PRKDC: variants seen among roughly 807,000 people sequenced by gnomAD.
PRKDC encodes protein kinase, DNA-activated, catalytic subunit, also known as DNA-dependent protein kinase catalytic subunit.
In PRKDC, 82 loss-of-function variants were observed where a neutral mutation model predicts 486.9. That is an observed-to-expected ratio of 0.17 (90% CI 0.14 to 0.20). The LOEUF is 0.20. PRKDC is among the 10% of genes least tolerant of loss of function. The pLI is 1.00. For synonymous variants in PRKDC, 1,895 were observed against 1,837.0 expected, an observed-to-expected ratio of 1.03 and a Z score of -0.81; for missense variants, 4,504 against 5,038.2, an observed-to-expected ratio of 0.89 and a Z score of 3.21.
chr8:47,900,572 T>C, intron 27 of PRKDC, 105 bp from the exon 28 acceptor site: 1 of 1,127,016 alleles, frequency 8.9e-7, no homozygotes, highest in South Asian at 1.5e-5. Flanking sequence ...ATTAAATTTG[T>C]TTTTTGTGGC....
At chr8:47,779,268 T>G (rs2086660264) in intron 80 of PRKDC, 175 bp from the exon 81 acceptor site, 1 of 531,650 alleles carries the variant, frequency 1.9e-6, no homozygotes, top group Middle Eastern at 3.4e-4. Context: ...ATCTTGAATT[T>G]CAATATACCA....
rs8178118 is a variant in PRKDC, at chr8:47,878,327, G to A, written c.5236-476C>T. Among the ~76,000 whole-genome samples, 5 of 152,136 alleles carry A rather than the reference G, an allele frequency of 3.3e-5. No individual in the cohort carries two copies. The East Asian group carries it at 5.8e-4, about 18-fold the overall frequency. On this transcript the variant is annotated intron_variant, in intron 39 of 85. Coordinates refer to ENST00000314191, the MANE Select transcript of PRKDC (RefSeq NM_006904.7). Reference sequence around the variant, plus strand: ...TCACCGTGTTAGCCAGGATGGTCTCGATCTCCTGACCTGGTGATCTGCCCT... The same window carrying A: ...TCACCGTGTTAGCCAGGATGGTCTCAATCTCCTGACCTGGTGATCTGCCCT...
chr8:47,777,130 T>C, intron 84 of PRKDC, 147 bp from the exon 85 acceptor site: 1 of 942,094 alleles, frequency 1.1e-6, no homozygotes, highest in East Asian at 2.5e-5. Flanking sequence ...AAGCTGTTCA[T>C]ACAGACTCCA....
Position 47,953,561 on chromosome 8 carries a change from C to A in PRKDC, c.721+59G>T. 3.6e-6 allele frequency: 5 copies of A among 1,390,508 alleles called. No individual in the cohort carries two copies. The South Asian group carries it at 6.2e-5, about 17-fold the overall frequency. 86.1% of individuals were successfully genotyped at this position (1,390,508 alleles called of 1,614,324 possible). A position where few individuals can be genotyped will look rare whatever the true frequency, so the allele number is the denominator to read the frequency against. On this transcript the variant is annotated intron_variant, in intron 7 of 85. Coordinates refer to ENST00000314191, the MANE Select transcript of PRKDC (RefSeq NM_006904.7). ...TTAAGAGTTCAAAGAAATAATCAGGCATTGCTGGTTAGACTTACAGTTTTT... is the reference window on the plus strand; with the variant it reads ...TTAAGAGTTCAAAGAAATAATCAGGAATTGCTGGTTAGACTTACAGTTTTT...
chr8:47,950,328 AGAT>A (rs1007912165), intron 7 of PRKDC, among the ~76,000 whole-genome samples: 1 of 151,542 alleles, frequency 6.6e-6, no homozygotes, highest in Non-Finnish European at 1.5e-5. Flanking sequence ...CCTCCCCTTA[AGAT>A]TATTTTAGGA....
At chr8:47,955,599 G>C (rs1195296144) in intron 4 of PRKDC, among the ~76,000 whole-genome samples, 5 of 152,064 alleles carry the variant, frequency 3.3e-5, no homozygotes, top group African/African-American at 1.2e-4. Context: ...GCCAGTAAGG[G>C]TGATAAATGA....
chr8:47,807,002 A>G, intron 69 of PRKDC, 135 bp downstream of exon 69: 1 of 877,180 alleles, frequency 1.1e-6, no homozygotes, highest in African/African-American at 1.7e-5. Flanking sequence ...GGCCAAGTTT[A>G]CTTATAAAGA....
Position 47,775,862 on chromosome 8 carries a change from G to A in PRKDC, c.12182+982C>T, listed in dbSNP as rs545681674. 3.2e-3 allele frequency among the ~76,000 whole-genome samples: 455 copies of A among 142,118 alleles called. 3 individuals are homozygous for A. Among genetic ancestry groups the A allele is most frequent in the African/African-American group, 0.011 (428 of 37,904 alleles). 93.2% of individuals were successfully genotyped at this position (142,118 alleles called of 152,430 possible). A position where few individuals can be genotyped will look rare whatever the true frequency, so the allele number is the denominator to read the frequency against. Reference sequence around the variant, plus strand: ...TTCTGAGGCAGAGTCTCACTTTGTCGCCTAGGCTGGAGTACAGTGGTGCCA... The same window carrying A: ...TTCTGAGGCAGAGTCTCACTTTGTCACCTAGGCTGGAGTACAGTGGTGCCA... On this transcript the variant is annotated intron_variant, in intron 85 of 85. Coordinates refer to ENST00000314191, the MANE Select transcript of PRKDC (RefSeq NM_006904.7).
chr8:47,886,101 G>T lies in PRKDC; in HGVS notation c.4619C>A (p.Thr1540Lys), dbSNP rs769502872. The change falls in exon 36 of 86, where the codon ACG becomes AAG. Residue 1540 changes from threonine (T) to lysine (K), a missense_variant. By Grantham distance (78) the Thr-to-Lys change is moderately conservative. Transcript: ENST00000314191. ...GCCCTGTGAGCTGCCCAAGGACGCC[G>T]TGGACAGCACCGCTGGGTTCAGGAG... Reference protein sequence around the residue: ...SLLLNPAVLSTASLGSSQGSV... With the variant: ...SLLLNPAVLSKASLGSSQGSV... 17 of 1,613,286 alleles carry T rather than the reference G, an allele frequency of 1.1e-5. No individual in the cohort carries two copies. The highest frequency in any genetic ancestry group is 1.0e-5 in the Non-Finnish European group (12 of 1,179,826).
chr8:47,802,311 G>GA (rs1474038983), intron 70 of PRKDC, among the ~76,000 whole-genome samples: 1 of 152,118 alleles, frequency 6.6e-6, no homozygotes, highest in Non-Finnish European at 1.5e-5. Context: ...TATTGAGGCT[G>GA]ATGCTTAAGA....
intron 40 of PRKDC, among the ~76,000 whole-genome samples, chr8:47,869,129 C>T (rs1031230729): frequency 6.6e-6 from 1 of 152,142 alleles, no homozygotes; most frequent in Non-Finnish European, 1.5e-5. Flanking sequence ...GGCAAGTCCT[C>T]GTGCTGGGCT....
chr8:47,831,704 G>C, intron 60 of PRKDC, 110 bp downstream of exon 60: 1 of 1,197,262 alleles, frequency 8.4e-7, no homozygotes, highest in South Asian at 1.2e-5. Context: ...CCCGCAACCT[G>C]GTTTGCAGGT....
In PRKDC at chr8:47,960,133, G is replaced by C. The variant is rs537731815; in HGVS notation, c.-7C>G. 1.4e-6 allele frequency: 2 copies of C among 1,481,346 alleles called. No individual in the cohort carries two copies. Among genetic ancestry groups the C allele is most frequent in the Non-Finnish European group, 1.8e-6 (2 of 1,117,030 alleles). 91.8% of individuals were successfully genotyped at this position (1,481,346 alleles called of 1,614,324 possible). Reference sequence around the variant, plus strand: ...CGGCTCCGGAGCCCGCCATGCCGCCGAGTCCCGCTCCCGCGCGTGCGCCCG... The same window carrying C: ...CGGCTCCGGAGCCCGCCATGCCGCCCAGTCCCGCTCCCGCGCGTGCGCCCG... On this transcript the variant is annotated 5_prime_UTR_variant, in exon 1 of 86. Coordinates refer to ENST00000314191, the MANE Select transcript of PRKDC (RefSeq NM_006904.7).
At chr8:47,820,187 T>TG (rs2087554398) in intron 66 of PRKDC, among the ~76,000 whole-genome samples, 1 of 151,954 alleles carries the variant, frequency 6.6e-6, no homozygotes, top group African/African-American at 2.4e-5. Context: ...CTGAGGCAGG[T>TG]GAATCACCTG....
chr8:47,905,063 G>A (rs2089752981), intron 25 of PRKDC, 87 bp from the exon 26 acceptor site: 2 of 981,650 alleles, frequency 2.0e-6, no homozygotes, highest in Admixed American at 4.5e-5. Context: ...GCCATTTGCA[G>A]TATAAAATTA....
At position 47,935,070 on chromosome 8, in the gene PRKDC, A is replaced by G. The variant is rs779716438; in HGVS notation, c.1448-12T>C. Reference sequence around the variant, plus strand: ...TAAACCCTGATGCACTGAAAAAAGAAAAAGAAAACAAAAATGAAGGAAACA... The same window carrying G: ...TAAACCCTGATGCACTGAAAAAAGAGAAAGAAAACAAAAATGAAGGAAACA... On this transcript the variant is annotated splice_polypyrimidine_tract_variant and intron_variant, in intron 13 of 85. Coordinates refer to ENST00000314191, the MANE Select transcript of PRKDC (RefSeq NM_006904.7). The G allele has an allele frequency of 3.1e-5, 45 of 1,464,050 alleles. No homozygotes were observed. Among genetic ancestry groups the G allele is most frequent in the Non-Finnish European group, 3.5e-5 (38 of 1,089,628 alleles). The allele number at this position is 1,464,050 out of a possible 1,614,324, so 90.7% of individuals were successfully genotyped here. A position where few individuals can be genotyped will look rare whatever the true frequency, so the allele number is the denominator to read the frequency against.
At chr8:47,873,782 C>T (rs1399683045) in intron 40 of PRKDC, among the ~76,000 whole-genome samples, 1 of 152,052 alleles carries the variant, frequency 6.6e-6, no homozygotes, top group Admixed American at 6.5e-5. Flanking sequence ...CGCGTTCTCA[C>T]TTACTTGTGG....
rs2086842011 is a variant in PRKDC, at chr8:47,789,118, T to C, written c.10758+33A>G. 5 of 1,612,772 alleles carry C rather than the reference T, an allele frequency of 3.1e-6. 1 individual carries two copies. The highest frequency in any genetic ancestry group is 3.4e-6 in the Non-Finnish European group (4 of 1,179,242). On this transcript the variant is annotated intron_variant, in intron 75 of 85. Coordinates refer to ENST00000314191, the MANE Select transcript of PRKDC (RefSeq NM_006904.7). ...GCAATTAAGTTTTACCCAACTTATA[T>C]GTTTTATGTGCCAGAAGCCGTTCTA...
intron 76 of PRKDC, among the ~76,000 whole-genome samples, chr8:47,788,185 AT>A (rs879279173): frequency 6.6e-6 from 1 of 152,274 alleles, no homozygotes; most frequent in Non-Finnish European, 1.5e-5. Flanking sequence ...GAGGAAGAAC[AT>A]TCGACTCTTC....
Sources: gnomAD v4.1 joint callset for allele counts (sites outside exome capture counted in the v4.1 genomes callset) on GRCh38, gnomAD v4.1.1 for gene constraint, MANE v1.5 for transcripts, NCBI Gene and HGNC (gene_info 2026-07-23, HGNC 2026-07-21) for gene names.